The following CLK3 variants were observed in gnomAD, a reference collection of about 807,000 sequenced individuals.
CLK3 encodes the protein CDC like kinase 3.
CLK3 carries 24 observed loss-of-function variants against 65.2 expected under a neutral mutation model. The ratio of observed to expected loss-of-function variants is 0.37; its 90% CI spans 0.27 to 0.52. CLK3 has a LOEUF of 0.52. Among genes scored for constraint, CLK3 ranks in the 20% least tolerant of loss-of-function variants. The pLI is 0.92. For synonymous variants in CLK3, 252 were observed against 240.8 expected, an observed-to-expected ratio of 1.05 and a Z score of -0.43; for missense variants, 506 against 660.0, an observed-to-expected ratio of 0.77 and a Z score of 2.56.
rs1227729762 is a variant in CLK3 at position 74,628,667 on chromosome 15, A to G, written c.1189A>G (p.Met397Val). Residue 397 changes from methionine (M) to valine (V), a missense_variant, in exon 11 of 13, where the codon ATG becomes GTG. By Grantham distance (21) the Met-to-Val change is conservative (BLOSUM62 1). Coordinates refer to ENST00000395066, the MANE Select transcript of CLK3 (RefSeq NM_001130028.2). ...GATCCTAGGGCCCATCCCATCACAC[A>G]TGATCCACCGTACCAGGTAAGGACC... is the stretch of plus-strand genomic sequence containing the variant. ...EKILGPIPSH[M>V]IHRTRKQKYF... is the part of the protein sequence containing the mutation. 5.6e-6 allele frequency: 9 copies of G among 1,613,054 alleles called. No individual in the cohort carries two copies. Among genetic ancestry groups the G allele is most frequent in the Non-Finnish European group, 6.8e-6 (8 of 1,179,578 alleles).
Position 74,622,385 on chromosome 15 carries a change from G to A in CLK3, c.467-109G>A. On this transcript the variant is annotated intron_variant, in intron 4 of 12. Transcript: ENST00000395066. This position sits in a 1 kb window ranked among gnomAD's most constrained non-coding sequence, Gnocchi z 4.6. Reference sequence around the variant, plus strand: ...AACTTCCATTTTTAAGAGTGTAGCAGTGAGAGAGAAACCTTTTTTGTTTTT... The same window carrying A: ...AACTTCCATTTTTAAGAGTGTAGCAATGAGAGAGAAACCTTTTTTGTTTTT... The A allele has an allele frequency of 9.3e-7, 1 of 1,070,718 alleles. No individual in the cohort carries two copies. The highest frequency in any genetic ancestry group is 1.5e-5 in the South Asian group (1 of 67,852). 66.3% of individuals were successfully genotyped at this position (1,070,718 alleles called of 1,614,324 possible).
At chr15:74,615,128 C>T (rs2062040953), upstream of CLK3, 2 of 315,880 alleles carry the variant, frequency 6.3e-6, no homozygotes, top group Non-Finnish European at 1.2e-5. Flanking sequence ...GAGACGCAGC[C>T]GGCGGGGCTT....
In CLK3 at chr15:74,622,108, C is replaced by T; in HGVS notation, c.370-12C>T. ...ATTGGTCGGATGGCGTTTCGGGGGG[C>T]GGTGCATGCAGAGAAGCCAACAGAG... On this transcript the variant is annotated splice_polypyrimidine_tract_variant and intron_variant, in intron 3 of 12. Transcript: ENST00000395066. The surrounding 1 kb of genome is among the most constrained non-coding windows in gnomAD (Gnocchi z 4.6). 6 of 1,612,928 alleles carry T rather than the reference C, an allele frequency of 3.7e-6. No homozygotes were observed. The highest frequency in any genetic ancestry group is 2.2e-5 in the East Asian group (1 of 44,864).
chr15:74,620,534 C>T (rs1188285260), intron 3 of CLK3: 5 of 489,148 alleles, frequency 1.0e-5, no homozygotes, highest in Admixed American at 3.5e-5. Flanking sequence ...GCTGGGGACA[C>T]TTCTTAGGAC....
chr15:74,614,118 A>T (rs2062025578), upstream of CLK3, among the ~76,000 whole-genome samples: 1 of 151,974 alleles, frequency 6.6e-6, no homozygotes. Flanking sequence ...GGTTTAAGTG[A>T]TTCTCCCACC....
chr15:74,628,723 C>G (rs2062165022), intron 11 of CLK3, 40 bp downstream of exon 11: 1 of 1,521,048 alleles, frequency 6.6e-7, no homozygotes, highest in Non-Finnish European at 9.0e-7. Flanking sequence ...GGTATAGAGG[C>G]CTTTCTCTTC....
chr15:74,627,437 T>G lies in CLK3; in HGVS notation c.903T>G (p.Asn301Lys), dbSNP rs56042870. 6.2e-7 allele frequency: 1 copy of G among 1,614,120 alleles called. No homozygotes were observed. The highest frequency in any genetic ancestry group is 1.1e-5 in the South Asian group (1 of 91,080). ...ATTCTGAGTTTGAAACCCTCTACAA[T>G]GAGCACAAGGTATTGGTGGGGGTAA... is the stretch of plus-strand genomic sequence containing the variant. Reference protein sequence around the residue: ...FVNSEFETLYNEHKSCEEKSV... With the variant: ...FVNSEFETLYKEHKSCEEKSV... The change falls in exon 8 of 13, where the codon AAT becomes AAG. Residue 301 changes from asparagine (N) to lysine (K), a missense_variant. Physicochemically the swap from Asn to Lys is moderately conservative, Grantham distance 94. Coordinates refer to ENST00000395066, the MANE Select transcript of CLK3 (RefSeq NM_001130028.2). This position sits in a 1 kb window ranked among gnomAD's most constrained non-coding sequence, Gnocchi z 4.3.
chr15:74,628,477 C>T (rs147627538), intron 10 of CLK3, 127 bp from the exon 11 acceptor site: 6 of 643,742 alleles, frequency 9.3e-6, no homozygotes, highest in Admixed American at 5.7e-5. Context: ...CTGGGGCTGC[C>T]GCTTCATTGG....
chr15:74,624,749 T>C lies in CLK3; in HGVS notation c.534-153T>C. On this transcript the variant is annotated intron_variant, in intron 5 of 12. Transcript: ENST00000395066. This position sits in a 1 kb window ranked among gnomAD's most constrained non-coding sequence, Gnocchi z 4.2. ...TGTTGGGTGGGCAAAGGTCTGGTGT[T>C]GCATGGGGCAGGCTGGGCATCCAGT... 2 of 635,414 alleles carry C rather than the reference T, an allele frequency of 3.1e-6. No homozygotes were observed. The highest frequency in any genetic ancestry group is 5.0e-5 in the Admixed American group (2 of 39,838). The allele number at this position is 635,414 out of a possible 1,614,324, so 39.4% of individuals were successfully genotyped here.
In CLK3 at chr15:74,619,787, G is replaced by A. The variant is rs118015157; in HGVS notation, c.153-222G>A. Among the ~76,000 whole-genome samples the A allele has an allele frequency of 4.7e-4, 72 of 152,220 alleles. No individual in the cohort carries two copies. In the East Asian group the frequency reaches 0.014, roughly 29 times the overall value. On this transcript the variant is annotated intron_variant, in intron 2 of 12. Transcript: ENST00000395066. The stretch of plus-strand genomic sequence containing the variant: ...CACTCTACCATACTCCCCTTCCCCT[G>A]TACCCCTCCTCCTACAGCTGGAGGA...
intron 6 of CLK3, 100 bp from the exon 7 acceptor site, chr15:74,625,702 C>G (rs1417702714): frequency 1.6e-6 from 2 of 1,260,836 alleles, no homozygotes; most frequent in Non-Finnish European, 2.3e-6. Flanking sequence ...GTGTGTGACC[C>G]GGTGGCCTAG....
Position 74,628,027 on chromosome 15 carries a change from AC to A in CLK3, c.1101del (p.Tyr368ThrfsTer17), listed in dbSNP as rs1399404543. On this transcript the variant is annotated frameshift_variant, in exon 10 of 13. Transcript: ENST00000395066. LOFTEE classifies it high-confidence loss of function. ...AGCATTGGCTGCATTCTCTTTGAGT[AC>A]TACCGGGGCTTCACACTCTTCCAGG... is the stretch of plus-strand genomic sequence containing the variant. The part of the protein sequence containing the change: ...VWSIGCILFE[Y>X]YRGFTLFQTH... 6.2e-7 allele frequency: 1 copy of A among 1,613,516 alleles called. No homozygotes were observed. The highest frequency in any genetic ancestry group is 1.7e-5 in the Admixed American group (1 of 60,018).
Position 74,630,200 on chromosome 15 carries a change from C to T in CLK3, c.*317C>T. 7.3e-6 allele frequency: 2 copies of T among 272,324 alleles called. No homozygotes were observed. The highest frequency in any genetic ancestry group is 7.5e-5 in the East Asian group (1 of 13,300). 16.9% of individuals were successfully genotyped at this position (272,324 alleles called of 1,614,324 possible). On this transcript the variant is annotated 3_prime_UTR_variant, in exon 13 of 13. Coordinates refer to ENST00000395066, the MANE Select transcript of CLK3 (RefSeq NM_001130028.2). Reference sequence around the variant, plus strand: ...ATTAATAAAGTCTTTCTTAGCAGTTCAGCTTGTGGAGAGCTAAGTGTGAAC... The same window carrying T: ...ATTAATAAAGTCTTTCTTAGCAGTTTAGCTTGTGGAGAGCTAAGTGTGAAC...
chr15:74,622,250 A>G lies in CLK3; in HGVS notation c.466+34A>G, dbSNP rs928548965. On this transcript the variant is annotated intron_variant, in intron 4 of 12. Coordinates refer to ENST00000395066, the MANE Select transcript of CLK3 (RefSeq NM_001130028.2). The surrounding 1 kb of genome is among the most constrained non-coding windows in gnomAD (Gnocchi z 4.6). ...ACCTTTCGTAAAACTTTACCTCTCTACTTTCTACCCCCCTTGTTAGACGAG... is the reference window on the plus strand; with the variant it reads ...ACCTTTCGTAAAACTTTACCTCTCTGCTTTCTACCCCCCTTGTTAGACGAG... 1.3e-6 allele frequency: 2 copies of G among 1,588,306 alleles called. No individual in the cohort carries two copies. Among genetic ancestry groups the G allele is most frequent in the Non-Finnish European group, 1.7e-6 (2 of 1,158,600 alleles).
intron 1 of CLK3, among the ~76,000 whole-genome samples, chr15:74,617,224 C>T (rs906922598): frequency 2.0e-5 from 3 of 152,196 alleles, no homozygotes; most frequent in Non-Finnish European, 4.4e-5. Context: ...TGTCTAAGGT[C>T]ATGAGGCTGG....
In CLK3 at chr15:74,619,204, A is replaced by G. The variant is rs1463756213; in HGVS notation, c.8A>G (p.His3Arg). The change falls in exon 2 of 13, where the codon CAC becomes CGC. Residue 3 changes from histidine to arginine, a missense_variant. Transcript: ENST00000395066. MHHCKRYRSPEPD... is the reference protein window; with the variant it reads MHRCKRYRSPEPD... The stretch of plus-strand genomic sequence containing the variant: ...CTGTTCCTCGTGGCCTAGATGCATC[A>G]CTGTAAGCGATACCGCTCCCCTGAA... The G allele has an allele frequency of 6.2e-7, 1 of 1,613,968 alleles. No homozygotes were observed. Among genetic ancestry groups the G allele is most frequent in the Admixed American group, 1.7e-5 (1 of 59,988 alleles).
chr15:74,618,880 T>A (rs2062079766), intron 1 of CLK3, among the ~76,000 whole-genome samples: 1 of 152,224 alleles, frequency 6.6e-6, no homozygotes, highest in Admixed American at 6.5e-5. Flanking sequence ...GTGGTAGTGT[T>A]CACCGTCCCC....
chr15:74,611,484 GC>G (rs1467387308), upstream of CLK3, among the ~76,000 whole-genome samples: 1 of 152,258 alleles, frequency 6.6e-6, no homozygotes, highest in Non-Finnish European at 1.5e-5. Flanking sequence ...CTCCGACAGG[GC>G]CTCCGGCACT....
intron 3 of CLK3, 159 bp downstream of exon 3, chr15:74,620,384 G>A (rs1596287503): frequency 2.0e-6 from 2 of 1,022,908 alleles, no homozygotes; most frequent in African/African-American, 3.2e-5. Flanking sequence ...CCAGGTGTAG[G>A]GCTGATCACA....
Sources: gnomAD v4.1 joint callset for allele counts (sites outside exome capture counted in the v4.1 genomes callset) on GRCh38, gnomAD v4.1.1 for gene constraint, Gnocchi (gnomAD v3.1) non-coding constraint, MANE v1.5 for transcripts, NCBI Gene and HGNC (gene_info 2026-07-23, HGNC 2026-07-21) for gene names.